Variants in EBAG9 observed in about 807,000 individuals in gnomAD.
EBAG9 encodes estrogen receptor binding site associated antigen 9.
Under a neutral mutation model 30.9 loss-of-function variants are expected in EBAG9, and 16 were observed. That is an observed-to-expected ratio of 0.52 (90% CI 0.35 to 0.79). EBAG9 has a LOEUF of 0.79. Among genes scored for constraint, EBAG9 ranks in the 30% least tolerant of loss-of-function variants. The probability of loss-of-function intolerance (pLI) is 0.01; values close to 1 mark genes in which losing one functional copy is unlikely to be tolerated. For missense variants in EBAG9, 197 were observed against 242.1 expected, an observed-to-expected ratio of 0.81 and a Z score of 1.24; for synonymous variants, 93 against 82.8, an observed-to-expected ratio of 1.12 and a Z score of -0.67.
chr8:109,553,557 G>A (rs187016075), intron 2 of EBAG9, among the ~76,000 whole-genome samples: 26 of 152,258 alleles, frequency 1.7e-4, no homozygotes, highest in Admixed American at 1.5e-3. Context: ...AGCACTCCAA[G>A]GAGCATGCTC....
At chr8:109,558,913 G>A (rs1433354533) in intron 5 of EBAG9, among the ~76,000 whole-genome samples, 1 of 152,108 alleles carries the variant, frequency 6.6e-6, no homozygotes, top group African/African-American at 2.4e-5. Flanking sequence ...TTGGGCAGGT[G>A]TATTTAGTTT....
chr8:109,552,496 A>T (rs1439742190), intron 2 of EBAG9, among the ~76,000 whole-genome samples: 1 of 152,202 alleles, frequency 6.6e-6, no homozygotes, highest in African/African-American at 2.4e-5. Flanking sequence ...AACATTAAAA[A>T]TGGGTATTAA....
At chr8:109,562,799 A>G (rs941353871) in intron 6 of EBAG9, among the ~76,000 whole-genome samples, 1 of 151,982 alleles carries the variant, frequency 6.6e-6, no homozygotes, top group African/African-American at 2.4e-5. Flanking sequence ...CTAGTTCATC[A>G]TCCCAAATAT....
At chr8:109,554,990 T>A in intron 4 of EBAG9, 103 bp downstream of exon 4, 2 of 1,255,744 alleles carry the variant, frequency 1.6e-6, no homozygotes, top group South Asian at 3.1e-5. Flanking sequence ...TATTTCTTTT[T>A]TTTTTTTTAA....
chr8:109,557,643 A>G (rs548310532), intron 5 of EBAG9: 171 of 454,878 alleles, frequency 3.8e-4, no homozygotes, highest in Non-Finnish European at 6.6e-4. Context: ...AATAATTACA[A>G]ATATTAATGT....
intron 6 of EBAG9, among the ~76,000 whole-genome samples, chr8:109,562,691 T>C (rs1821734431): frequency 6.6e-6 from 1 of 151,784 alleles, no homozygotes; most frequent in Admixed American, 6.6e-5. Context: ...ATACTTTAGT[T>C]TTTGATACAG....
chr8:109,559,054 A>G (rs927708526), intron 5 of EBAG9, among the ~76,000 whole-genome samples: 1 of 152,140 alleles, frequency 6.6e-6, no homozygotes, highest in Non-Finnish European at 1.5e-5. Context: ...TAAATATTTT[A>G]TGTACTCTAA....
At chr8:109,562,234 A>G (rs1487462075) in intron 6 of EBAG9, among the ~76,000 whole-genome samples, 2 of 152,140 alleles carry the variant, frequency 1.3e-5, no homozygotes, top group Non-Finnish European at 2.9e-5. Flanking sequence ...ATCTCACTGT[A>G]GAGTTCAAGC....
At chr8:109,556,443 C>G (rs1050948980) in intron 4 of EBAG9, among the ~76,000 whole-genome samples, 1 of 152,078 alleles carries the variant, frequency 6.6e-6, no homozygotes, top group African/African-American at 2.4e-5. Flanking sequence ...TATACTGCTG[C>G]TCTCAGTAGG....
chr8:109,563,954 T>C lies in EBAG9; in HGVS notation c.522-485T>C, dbSNP rs559921371. Among the ~76,000 whole-genome samples the C allele has an allele frequency of 2.6e-5, 4 of 152,222 alleles. No homozygotes were observed. The South Asian group carries it at 8.3e-4, about 32-fold the overall frequency. ...AAGTTTCCATTTTCTTTTTGGAGCG[T>C]GTGTTCTGTTCAGCTGTGTTCATCA... On this transcript the variant is annotated intron_variant, in intron 6 of 6. Coordinates refer to ENST00000337573, the MANE Select transcript of EBAG9 (RefSeq NM_004215.5).
At chr8:109,553,754 T>C (rs2131117198) in intron 2 of EBAG9, 111 bp from the exon 3 acceptor site, 1 of 810,086 alleles carries the variant, frequency 1.2e-6, no homozygotes, top group Non-Finnish European at 1.9e-6. Context: ...TCAATAATCA[T>C]AAAATTGAGA....
Position 109,551,658 on chromosome 8 carries a change from A to G in EBAG9, c.83+751A>G, listed in dbSNP as rs534635251. Reference sequence around the variant, plus strand: ...ATGATGGTGTTCTTTAATGTTTGAGATAAGTTTTTGTTTACTTATATTTTT... The same window carrying G: ...ATGATGGTGTTCTTTAATGTTTGAGGTAAGTTTTTGTTTACTTATATTTTT... On this transcript the variant is annotated intron_variant, in intron 2 of 6. Transcript: ENST00000337573. Among the ~76,000 whole-genome samples, 4 of 152,320 alleles carry G rather than the reference A, an allele frequency of 2.6e-5. No individual in the cohort carries two copies. The South Asian group carries it at 8.3e-4, about 32-fold the overall frequency.
intron 3 of EBAG9, 73 bp downstream of exon 3, chr8:109,554,016 T>C: frequency 9.0e-7 from 1 of 1,110,366 alleles, no homozygotes; most frequent in Non-Finnish European, 1.3e-6. Context: ...GAACAATATT[T>C]TAAAAACTGG....
intron 5 of EBAG9, chr8:109,557,680 C>A (rs929098455): frequency 6.6e-6 from 3 of 455,696 alleles, no homozygotes; most frequent in African/African-American, 6.0e-5. Flanking sequence ...ATTGGGAATC[C>A]AGGTGACTAA....
chr8:109,545,404 C>G (rs1821364346), intron 1 of EBAG9, among the ~76,000 whole-genome samples: 1 of 145,626 alleles, frequency 6.9e-6, no homozygotes, highest in Non-Finnish European at 1.5e-5. Context: ...CACTGTGTTG[C>G]CCAGGCTGGA....
At chr8:109,557,631 A>C in intron 5 of EBAG9, 1 of 454,758 alleles carries the variant, frequency 2.2e-6, no homozygotes, top group Admixed American at 2.4e-5. Context: ...TCAGTGACTT[A>C]AAATAATTAC....
chr8:109,557,460 T>C (rs1821622651), intron 5 of EBAG9, among the ~76,000 whole-genome samples: 1 of 152,208 alleles, frequency 6.6e-6, no homozygotes, highest in South Asian at 2.1e-4. Context: ...GAAAAATTTA[T>C]GAAACAAGTA....
At chr8:109,549,291 T>G (rs1034156975) in intron 1 of EBAG9, among the ~76,000 whole-genome samples, 40 of 152,156 alleles carry the variant, frequency 2.6e-4, no homozygotes, top group African/African-American at 9.4e-4. Context: ...ATTGTTGGAT[T>G]TAATTTACTA....
chr8:109,558,104 T>C (rs570782056), intron 5 of EBAG9, among the ~76,000 whole-genome samples: 2 of 152,224 alleles, frequency 1.3e-5, no homozygotes, highest in East Asian at 3.8e-4. Flanking sequence ...TTTGTGGACA[T>C]ATTTTTAAAT....
Sources: gnomAD v4.1 joint callset for allele counts (sites outside exome capture counted in the v4.1 genomes callset) on GRCh38, gnomAD v4.1.1 for gene constraint, MANE v1.5 for transcripts, NCBI Gene and HGNC (gene_info 2026-07-23, HGNC 2026-07-21) for gene names.